ASIC2: variants seen among roughly 807,000 people sequenced by gnomAD.
ASIC2 encodes acid sensing ion channel subunit 2.
ASIC2 carries 25 observed loss-of-function variants against 57.3 expected under a neutral mutation model. That is an observed-to-expected ratio of 0.44 (90% CI 0.32 to 0.61). The LOEUF is 0.61. ASIC2 is among the 20% of genes least tolerant of loss of function. The probability of loss-of-function intolerance (pLI) is 0.06; values close to 1 mark genes in which losing one functional copy is unlikely to be tolerated. For missense variants in ASIC2, 641 were observed against 738.1 expected, an observed-to-expected ratio of 0.87 and a Z score of 1.52; for synonymous variants, 319 against 307.5, an observed-to-expected ratio of 1.04 and a Z score of -0.39.
chr17:33,620,458 A>G (rs1022643953), intron 1 of ASIC2, among the ~76,000 whole-genome samples: 1 of 152,062 alleles, frequency 6.6e-6, no homozygotes, highest in African/African-American at 2.4e-5. Flanking sequence ...AATAAAGTCC[A>G]TTTGTCTGTA....
chr17:33,286,447 C>T (rs528266560), intron 1 of ASIC2, among the ~76,000 whole-genome samples: 104 of 152,286 alleles, frequency 6.8e-4, no homozygotes, highest in African/African-American at 2.4e-3. Context: ...AGTTCAAAAA[C>T]TTTAGTTTGG....
At chr17:33,637,338 C>T (rs759658454) in intron 1 of ASIC2, among the ~76,000 whole-genome samples, 18 of 152,002 alleles carry the variant, frequency 1.2e-4, no homozygotes, top group Non-Finnish European at 2.1e-4. Context: ...GCTCCTGCTC[C>T]GATTCCTCTG....
intron 1 of ASIC2, among the ~76,000 whole-genome samples, chr17:33,575,288 G>A (rs546707492): frequency 5.9e-5 from 9 of 152,282 alleles, no homozygotes; most frequent in African/African-American, 1.9e-4. Flanking sequence ...GTAAGCATTC[G>A]ACGATTCATG....
rs186774102 is a variant in ASIC2, at chr17:33,842,497, A to T, written c.555+313481T>A. 3.3e-5 allele frequency among the ~76,000 whole-genome samples: 5 copies of T among 152,294 alleles called. No individual in the cohort carries two copies. The East Asian group carries it at 9.7e-4, about 29-fold the overall frequency. On this transcript the variant is annotated intron_variant, in intron 1 of 9. Coordinates refer to the ASIC2 transcript ENST00000359872. Reference sequence around the variant, plus strand: ...ATATAAAACTGCAAATATCCAGGAGATGGAGAGCTGTGTCAGTATTGAACC... The same window carrying T: ...ATATAAAACTGCAAATATCCAGGAGTTGGAGAGCTGTGTCAGTATTGAACC...
intron 1 of ASIC2, among the ~76,000 whole-genome samples, chr17:33,466,353 A>ATGGAAGAACATTCCATGCTCATGGAT (rs1912862691): frequency 6.6e-6 from 1 of 152,198 alleles, no homozygotes; most frequent in Non-Finnish European, 1.5e-5. Context: ...ACACAAACAA[A>ATGGAAGAACATTCCATGCTCATGGAT]TGGAAGAACA....
At chr17:33,731,161 C>A (rs935668949) in intron 1 of ASIC2, among the ~76,000 whole-genome samples, 1 of 152,188 alleles carries the variant, frequency 6.6e-6, no homozygotes, top group Admixed American at 6.5e-5. Context: ...CCTCAAGGGA[C>A]CATCTTTGAT....
chr17:34,073,367 G>C (rs1258894948), intron 1 of ASIC2, among the ~76,000 whole-genome samples: 1 of 152,178 alleles, frequency 6.6e-6, no homozygotes, highest in East Asian at 1.9e-4. Flanking sequence ...ACAAGCTATA[G>C]TTTGCTGATC....
chr17:33,025,797 C>G, intron 5 of ASIC2, 129 bp downstream of exon 5: 1 of 884,352 alleles, frequency 1.1e-6, no homozygotes, highest in Non-Finnish European at 1.6e-6. Flanking sequence ...TCCACCCGAC[C>G]AGCCCCTTTC....
At chr17:34,034,604 T>G (rs1464266169) in intron 1 of ASIC2, among the ~76,000 whole-genome samples, 1 of 152,168 alleles carries the variant, frequency 6.6e-6, no homozygotes, top group Admixed American at 6.5e-5. Context: ...ATTGTATATC[T>G]AGAAAACCCC....
At chr17:33,032,440 GTTTTTTTTTTTTTT>G (rs60183644) in intron 3 of ASIC2, among the ~76,000 whole-genome samples, 8 of 94,118 alleles carry the variant, frequency 8.5e-5, no homozygotes, top group African/African-American at 2.3e-4. Context: ...ATAATACACT[GTTTTTTTTTTTTTT>G]TTTTTTTTTT....
intron 1 of ASIC2, among the ~76,000 whole-genome samples, chr17:33,384,933 TC>T (rs1451503844): frequency 2.6e-5 from 4 of 152,088 alleles, no homozygotes. Flanking sequence ...GTGAAGCCCA[TC>T]CCCCATAATG....
chr17:33,912,777 C>T (rs965287303), intron 1 of ASIC2, among the ~76,000 whole-genome samples: 20 of 151,904 alleles, frequency 1.3e-4, no homozygotes, highest in Non-Finnish European at 2.4e-4. Flanking sequence ...GTTGGGAGTT[C>T]GAGACCAGCC....
At chr17:33,931,641 C>T (rs1307446226) in intron 1 of ASIC2, among the ~76,000 whole-genome samples, 1 of 152,230 alleles carries the variant, frequency 6.6e-6, no homozygotes, top group African/African-American at 2.4e-5. Flanking sequence ...CAGCTGACAG[C>T]AGCTTATCAA....
At chr17:33,849,201 C>T (rs949236184) in intron 1 of ASIC2, among the ~76,000 whole-genome samples, 4 of 152,250 alleles carry the variant, frequency 2.6e-5, no homozygotes, top group East Asian at 1.9e-4. Flanking sequence ...GCTGAGTCCC[C>T]GCCTGCTAGG....
intron 1 of ASIC2, among the ~76,000 whole-genome samples, chr17:33,713,237 A>G (rs1041188486): frequency 3.3e-5 from 5 of 152,148 alleles, no homozygotes; most frequent in Non-Finnish European, 7.4e-5. Context: ...TGCTGTATTA[A>G]TTTCCTAGGG....
At chr17:34,048,709 T>C (rs1908428136) in intron 1 of ASIC2, among the ~76,000 whole-genome samples, 2 of 152,194 alleles carry the variant, frequency 1.3e-5, no homozygotes, top group Admixed American at 6.5e-5. Flanking sequence ...TCACAAGAAT[T>C]GTGTAGGTTA....
At chr17:33,282,697 A>G (rs938820744) in intron 1 of ASIC2, among the ~76,000 whole-genome samples, 4 of 151,450 alleles carry the variant, frequency 2.6e-5, no homozygotes, top group African/African-American at 9.7e-5. Flanking sequence ...CTGGTCTTGA[A>G]CTCCTGACCT....
At position 34,156,020 on chromosome 17, in the gene ASIC2, G is replaced by A. The variant is rs181534101; in HGVS notation, c.513C>T (p.Cys171=). The stretch of plus-strand genomic sequence containing the variant: ...GGCCGCACTCCTGCCCTTTGAACTT[G>A]CAGTAGAGCATCATATCCTTCAGGT... The change falls in exon 1 of 10, where the codon TGC becomes TGT. Residue 171 remains cysteine, a synonymous_variant. Transcript: ENST00000359872. The surrounding 1 kb of genome is among the most constrained non-coding windows in gnomAD (Gnocchi z 4.4). The A allele has an allele frequency of 1.1e-3, 1,697 of 1,613,686 alleles. 22 individuals are homozygous for A. In the African/African-American group the frequency reaches 0.02, roughly 19 times the overall value.
chr17:33,553,063 G>C (rs764857888), intron 1 of ASIC2, among the ~76,000 whole-genome samples: 1 of 152,196 alleles, frequency 6.6e-6, no homozygotes, highest in Non-Finnish European at 1.5e-5. Context: ...CTGGTCAAGA[G>C]AAAGGGACTC....
Sources: allele counts gnomAD v4.1 joint callset (sites outside exome capture counted in the v4.1 genomes callset), GRCh38; gene constraint gnomAD v4.1.1; non-coding constraint Gnocchi (gnomAD v3.1); transcripts MANE v1.5; gene names NCBI Gene and HGNC (gene_info 2026-07-23, HGNC 2026-07-21).